NTRK3: variants seen among roughly 807,000 people sequenced by gnomAD.
The protein encoded by NTRK3 is NT-3 growth factor receptor.
In NTRK3, 24 loss-of-function variants were observed where a neutral mutation model predicts 91.7. The observed-to-expected ratio is 0.26, with a 90% CI of 0.19 to 0.37. NTRK3 has a LOEUF of 0.37. NTRK3 is among the 10% of genes least tolerant of loss of function. NTRK3 has a pLI of 1.00. For missense variants in NTRK3, 880 were observed against 1,068.9 expected, an observed-to-expected ratio of 0.82 and a Z score of 2.46; for synonymous variants, 483 against 404.0, an observed-to-expected ratio of 1.20 and a Z score of -2.34.
intron 5 of NTRK3, among the ~76,000 whole-genome samples, chr15:88,155,691 C>G (rs1329831754): frequency 6.6e-6 from 1 of 152,080 alleles, no homozygotes; most frequent in Non-Finnish European, 1.5e-5. Flanking sequence ...ACACAAATAC[C>G]ACGTGAAATT....
At chr15:88,157,089 T>G (rs2043976125) in intron 5 of NTRK3, among the ~76,000 whole-genome samples, 1 of 152,104 alleles carries the variant, frequency 6.6e-6, no homozygotes, top group Non-Finnish European at 1.5e-5. Flanking sequence ...TCCACCCACC[T>G]GTCCTGGGAC....
At chr15:87,881,233 AG>A (rs1329297741) in intron 17 of NTRK3, among the ~76,000 whole-genome samples, 2 of 152,234 alleles carry the variant, frequency 1.3e-5, no homozygotes, top group Non-Finnish European at 2.9e-5. Context: ...GAAAATTCAC[AG>A]CATGTGTGAA....
At position 88,082,698 on chromosome 15, in the gene NTRK3, T is replaced by C. The variant is rs1302372973; in HGVS notation, c.1396+43573A>G. Among the ~76,000 whole-genome samples the C allele has an allele frequency of 1.3e-5, 2 of 152,224 alleles. 1 individual carries two copies. The highest frequency in any genetic ancestry group is 1.3e-4 in the Admixed American group (2 of 15,290). On this transcript the variant is annotated intron_variant, in intron 13 of 18. Transcript: ENST00000394480. Reference sequence around the variant, plus strand: ...GCTGCTGGAGCTAAGAGCCAAAGAATGTAGTGATTCCTACTCTAGAATACT... The same window carrying C: ...GCTGCTGGAGCTAAGAGCCAAAGAACGTAGTGATTCCTACTCTAGAATACT...
chr15:88,170,513 C>T (rs1324746927), intron 5 of NTRK3, among the ~76,000 whole-genome samples: 1 of 152,204 alleles, frequency 6.6e-6, no homozygotes, highest in Non-Finnish European at 1.5e-5. Flanking sequence ...TTCACTCTGT[C>T]CTCACAATAA....
intron 6 of NTRK3, among the ~76,000 whole-genome samples, chr15:88,138,323 T>C (rs938969997): frequency 4.6e-5 from 7 of 151,824 alleles, no homozygotes; most frequent in African/African-American, 1.7e-4. Flanking sequence ...GGCGGGAGAA[T>C]GGCGTGAACC....
chr15:88,161,853 G>A (rs76839178), intron 5 of NTRK3, among the ~76,000 whole-genome samples: 2,278 of 152,260 alleles, frequency 0.015, 41 homozygotes, highest in African/African-American at 0.051. Flanking sequence ...GGACTGCATC[G>A]TCCTGGGGGG....
intron 13 of NTRK3, among the ~76,000 whole-genome samples, chr15:88,066,224 G>A (rs1254945375): frequency 3.3e-5 from 5 of 152,156 alleles, no homozygotes; most frequent in Admixed American, 6.5e-5. Flanking sequence ...GATATTCAAT[G>A]GGCACGTCAG....
chr15:87,880,282 G>A (rs2141466179), exon 18 of NTRK3: 1 of 1,614,068 alleles, frequency 6.2e-7, no homozygotes, highest in Non-Finnish European at 8.5e-7. Context: ...CCGTGTTTGA[G>A]AGTTGGAACC....
intron 13 of NTRK3, among the ~76,000 whole-genome samples, chr15:88,123,340 AT>A (rs1179994909): frequency 6.6e-6 from 1 of 152,190 alleles, no homozygotes; most frequent in Non-Finnish European, 1.5e-5. Context: ...AGACTTGAAA[AT>A]TCAAAACTGA....
intron 13 of NTRK3, among the ~76,000 whole-genome samples, chr15:88,058,560 T>C (rs2045930139): frequency 6.6e-6 from 1 of 152,068 alleles, no homozygotes; most frequent in South Asian, 2.1e-4. Context: ...TAACTTCTTT[T>C]CCCAAAATTC....
intron 14 of NTRK3, among the ~76,000 whole-genome samples, chr15:87,990,349 T>G (rs1228338286): frequency 1.3e-5 from 2 of 152,220 alleles, no homozygotes; most frequent in Non-Finnish European, 2.9e-5. Context: ...CATACCGTTC[T>G]GCAGATACCC....
At chr15:87,906,216 T>C (rs923413875) in intron 17 of NTRK3, among the ~76,000 whole-genome samples, 28 of 152,246 alleles carry the variant, frequency 1.8e-4, no homozygotes, top group African/African-American at 6.3e-4. Context: ...AGTGGAACTA[T>C]AATAATGTCT....
intron 14 of NTRK3, among the ~76,000 whole-genome samples, chr15:87,958,468 G>T (rs756252904): frequency 6.6e-6 from 1 of 151,926 alleles, no homozygotes; most frequent in African/African-American, 2.4e-5. Flanking sequence ...GGTCTTTCAC[G>T]TGTAACACAG....
intron 5 of NTRK3, among the ~76,000 whole-genome samples, chr15:88,165,588 A>C (rs185175728): frequency 6.6e-6 from 1 of 152,340 alleles, no homozygotes; most frequent in Admixed American, 6.5e-5. Flanking sequence ...CAAAATAATA[A>C]GTAACGTTTA....
chr15:88,187,511 TTA>T (rs991794296), intron 3 of NTRK3, among the ~76,000 whole-genome samples: 1 of 151,922 alleles, frequency 6.6e-6, no homozygotes, highest in African/African-American at 2.4e-5. Context: ...CTAGAAAATA[TTA>T]TATATATATA....
intron 13 of NTRK3, among the ~76,000 whole-genome samples, chr15:88,124,463 A>G (rs550828173): frequency 6.6e-6 from 1 of 152,222 alleles, no homozygotes; most frequent in South Asian, 2.1e-4. Context: ...ACTGCCAAGC[A>G]TGTCGCAGGG....
intron 14 of NTRK3, among the ~76,000 whole-genome samples, chr15:88,029,852 T>C (rs2078370817): frequency 6.6e-6 from 1 of 152,250 alleles, no homozygotes; most frequent in Non-Finnish European, 1.5e-5. Flanking sequence ...GCTTGGTTAA[T>C]CAGAGACCTG....
intron 16 of NTRK3, among the ~76,000 whole-genome samples, chr15:87,929,652 G>C (rs2068623235): frequency 6.6e-6 from 1 of 152,214 alleles, no homozygotes; most frequent in Non-Finnish European, 1.5e-5. Context: ...GATGAGAGCA[G>C]ACATACTCAA....
intron 17 of NTRK3, among the ~76,000 whole-genome samples, chr15:87,912,923 TAAAAAA>T (rs71460480): frequency 4.8e-4 from 19 of 39,790 alleles, no homozygotes; most frequent in Middle Eastern, 0.016. Context: ...TTTCAAAAAG[TAAAAAA>T]AAATATATAT....
Sources: gnomAD v4.1 joint callset for allele counts (sites outside exome capture counted in the v4.1 genomes callset) on GRCh38, gnomAD v4.1.1 for gene constraint, MANE v1.5 for transcripts, NCBI Gene and HGNC (gene_info 2026-07-23, HGNC 2026-07-21) for gene names.